The following SIPA1L1 variants were observed in gnomAD, a reference collection of about 807,000 sequenced individuals.
SIPA1L1 encodes the protein signal induced proliferation associated 1 like 1, also known as signal-induced proliferation-associated 1-like protein 1.
Under a neutral mutation model 162.7 loss-of-function variants are expected in SIPA1L1, and 26 were observed. The ratio of observed to expected loss-of-function variants is 0.16; its 90% CI spans 0.12 to 0.22. The LOEUF (loss-of-function observed/expected upper bound fraction) is 0.22. SIPA1L1 is among the 10% of genes least tolerant of loss of function. The pLI, the probability that SIPA1L1 is intolerant of heterozygous loss-of-function variation, is 1.00. For missense variants in SIPA1L1, 1,874 were observed against 2,241.0 expected, an observed-to-expected ratio of 0.84 and a Z score of 3.31; for synonymous variants, 829 against 837.4, an observed-to-expected ratio of 0.99 and a Z score of 0.17.
chr14:71,536,193 T>C (rs992419000), intron 4 of SIPA1L1, among the ~76,000 whole-genome samples: 3 of 152,058 alleles, frequency 2.0e-5, no homozygotes, highest in Non-Finnish European at 4.4e-5. Flanking sequence ...AACAGTCATC[T>C]CCCTGGATAT....
At chr14:71,364,172 C>T (rs894928756) in intron 2 of SIPA1L1, among the ~76,000 whole-genome samples, 11 of 152,176 alleles carry the variant, frequency 7.2e-5, no homozygotes, top group Admixed American at 7.2e-4. Context: ...GGCATCATCA[C>T]AGTCATGTGG....
At chr14:71,323,358 G>C (rs1008069513) in intron 2 of SIPA1L1, among the ~76,000 whole-genome samples, 1 of 152,164 alleles carries the variant, frequency 6.6e-6, no homozygotes, top group Non-Finnish European at 1.5e-5. Context: ...TGAAATGGGA[G>C]CATGAGGAGA....
chr14:71,701,567 CAT>C (rs781199919), intron 14 of SIPA1L1, among the ~76,000 whole-genome samples: 1 of 152,118 alleles, frequency 6.6e-6, no homozygotes, highest in South Asian at 2.1e-4. Context: ...TTAGTAACCA[CAT>C]ATATATTAGT....
At chr14:71,395,427 G>A (rs2041103648) in intron 2 of SIPA1L1, among the ~76,000 whole-genome samples, 2 of 152,272 alleles carry the variant, frequency 1.3e-5, no homozygotes, top group Middle Eastern at 3.4e-3. Flanking sequence ...TTGGGAGGCT[G>A]AGGCAGGAGG....
chr14:71,653,916 T>TG (rs1391679044), intron 8 of SIPA1L1, among the ~76,000 whole-genome samples: 4 of 152,146 alleles, frequency 2.6e-5, no homozygotes. Context: ...CCCAGTAGTG[T>TG]GGTTAATGAA....
At chr14:71,600,063 G>A (rs964217597) in intron 5 of SIPA1L1, among the ~76,000 whole-genome samples, 1 of 152,014 alleles carries the variant, frequency 6.6e-6, no homozygotes, top group Admixed American at 6.5e-5. Context: ...TAAACTCATG[G>A]TTTCTTCACT....
At chr14:71,335,622 A>T (rs1305023119) in intron 2 of SIPA1L1, among the ~76,000 whole-genome samples, 3 of 152,188 alleles carry the variant, frequency 2.0e-5, no homozygotes, top group Non-Finnish European at 4.4e-5. Flanking sequence ...GGCCTCAGGG[A>T]GGTAGGAACC....
Position 71,502,427 on chromosome 14 carries a change from T to G in SIPA1L1, c.-464-10316T>G, listed in dbSNP as rs796254339. ...CAATTTTGTGTGTGTGTGTGTGTGT[T>G]TTTAGTAGAGACAGGGTCTCACTAT... On this transcript the variant is annotated intron_variant, in intron 2 of 23. Coordinates refer to ENST00000381232, the MANE Select transcript of SIPA1L1 (RefSeq NM_001386936.1). Among the ~76,000 whole-genome samples, 4 of 149,924 alleles carry G rather than the reference T, an allele frequency of 2.7e-5. 1 individual carries two copies. The highest frequency in any genetic ancestry group is 7.4e-5 in the African/African-American group (3 of 40,362).
chr14:71,589,416 T>G (rs750737261), intron 5 of SIPA1L1, 46 bp downstream of exon 5: 27 of 1,291,590 alleles, frequency 2.1e-5, no homozygotes, highest in Non-Finnish European at 2.5e-5. Flanking sequence ...TGCAGTACTT[T>G]CTGAAGAAAA....
chr14:71,405,101 T>C (rs2140141179), intron 2 of SIPA1L1, among the ~76,000 whole-genome samples: 1 of 152,368 alleles, frequency 6.6e-6, no homozygotes. Context: ...TGGTACATAG[T>C]AGGTGCTCAG....
chr14:71,634,370 C>G (rs2040900191), intron 7 of SIPA1L1, among the ~76,000 whole-genome samples: 2 of 149,308 alleles, frequency 1.3e-5, no homozygotes, highest in South Asian at 2.1e-4. Context: ...CCACTGCACT[C>G]CAGCCTGGGT....
intron 21 of SIPA1L1, 92 bp downstream of exon 21, chr14:71,733,904 C>G (rs1445361890): frequency 3.0e-6 from 4 of 1,336,488 alleles, no homozygotes; most frequent in Non-Finnish European, 3.0e-6. Flanking sequence ...ACACTCAAAA[C>G]ATATGTGCCT....
At chr14:71,328,019 A>G (rs753367048) in intron 2 of SIPA1L1, among the ~76,000 whole-genome samples, 2 of 152,204 alleles carry the variant, frequency 1.3e-5, no homozygotes, top group African/African-American at 4.8e-5. Flanking sequence ...AGTTTGAGAA[A>G]TGCCTGTGAT....
At chr14:71,711,642 G>A (rs1422698535) in intron 17 of SIPA1L1, among the ~76,000 whole-genome samples, 16 of 152,182 alleles carry the variant, frequency 1.1e-4, no homozygotes, top group Admixed American at 9.8e-4. Context: ...CAGAATGTGC[G>A]GCTGTGCCAT....
intron 2 of SIPA1L1, among the ~76,000 whole-genome samples, chr14:71,455,051 A>G (rs1040855990): frequency 1.3e-5 from 2 of 152,230 alleles, no homozygotes; most frequent in African/African-American, 4.8e-5. Flanking sequence ...TCATGAGTGA[A>G]TGTACAAGTG....
intron 19 of SIPA1L1, among the ~76,000 whole-genome samples, chr14:71,726,029 CGT>C (rs1208649299): frequency 6.6e-6 from 1 of 152,118 alleles, no homozygotes; most frequent in Non-Finnish European, 1.5e-5. Flanking sequence ...ACCATGCTAG[CGT>C]GTGTGTGCGT....
At chr14:71,529,289 T>G (rs2053205978) in intron 3 of SIPA1L1, 23 bp from the exon 4 acceptor site, 1 of 611,306 alleles carries the variant, frequency 1.6e-6, no homozygotes, top group Non-Finnish European at 2.9e-6. Context: ...CTTAACCAGG[T>G]TTTTTTTCTA....
rs141828421 is a variant in SIPA1L1 at position 71,352,887 on chromosome 14, C to T, written c.-465+31706C>T. Reference sequence around the variant, plus strand: ...TCCTGCCATTTAACTTTAGCTGTTCCGGTAGTTGTGTAGAGATGTTCCATT... The same window carrying T: ...TCCTGCCATTTAACTTTAGCTGTTCTGGTAGTTGTGTAGAGATGTTCCATT... On this transcript the variant is annotated intron_variant, in intron 2 of 23. Coordinates refer to ENST00000381232, the MANE Select transcript of SIPA1L1 (RefSeq NM_001386936.1). Among the ~76,000 whole-genome samples, 11 of 152,218 alleles carry T rather than the reference C, an allele frequency of 7.2e-5. No homozygotes were observed. In the East Asian group the frequency reaches 1.4e-3, roughly 19 times the overall value.
At chr14:71,524,853 C>T (rs945308625) in intron 3 of SIPA1L1, among the ~76,000 whole-genome samples, 2 of 152,222 alleles carry the variant, frequency 1.3e-5, no homozygotes, top group Admixed American at 6.5e-5. Context: ...TGCATACGTT[C>T]TCTCCCTCTG....
Sources: allele counts gnomAD v4.1 joint callset (sites outside exome capture counted in the v4.1 genomes callset), GRCh38; gene constraint gnomAD v4.1.1; transcripts MANE v1.5; gene names NCBI Gene and HGNC (gene_info 2026-07-23, HGNC 2026-07-21).